FNBP1: variants seen among roughly 807,000 people sequenced by gnomAD.
FNBP1 encodes formin binding protein 1, also known as formin-binding protein 1.
FNBP1 carries 26 observed loss-of-function variants against 90.6 expected under a neutral mutation model. The observed-to-expected ratio is 0.29, with a 90% CI of 0.21 to 0.40. FNBP1 has a LOEUF of 0.40. Ranked by LOEUF, FNBP1 falls within the 10% of genes least tolerant of loss-of-function variation. FNBP1 has a pLI of 1.00. For missense variants in FNBP1, 635 were observed against 768.0 expected (o/e 0.83, Z 2.05); for synonymous variants, 260 against 265.2 (o/e 0.98, Z 0.19).
chr9:130,046,022 C>T (rs1041751247), upstream of FNBP1, among the ~76,000 whole-genome samples: 11 of 152,110 alleles, frequency 7.2e-5, no homozygotes, highest in Admixed American at 1.3e-4. Flanking sequence ...GGTTTCACCT[C>T]TCAGTAAAAT....
intron 1 of FNBP1, among the ~76,000 whole-genome samples, chr9:130,013,125 A>G (rs919240827): frequency 1.3e-5 from 2 of 152,144 alleles, no homozygotes; most frequent in Admixed American, 1.3e-4. Context: ...TAGAATATAG[A>G]TAGCACTCCT....
At position 129,958,478 on chromosome 9, in the gene FNBP1, A is replaced by G. The variant is rs760695715; in HGVS notation, c.408+13T>C. On this transcript the variant is annotated intron_variant, in intron 5 of 16. Transcript: ENST00000446176. ...TATAAAGCCGTTTCTTTTGCTGTGCATTGTTCACTTACAGATTCAAGCTGC... is the reference window on the plus strand; with the variant it reads ...TATAAAGCCGTTTCTTTTGCTGTGCGTTGTTCACTTACAGATTCAAGCTGC... The G allele has an allele frequency of 3.8e-6, 6 of 1,580,524 alleles. No individual in the cohort carries two copies. In the South Asian group the frequency reaches 5.8e-5, roughly 15 times the overall value.
chr9:130,007,066 C>T (rs2055822169), intron 1 of FNBP1, among the ~76,000 whole-genome samples: 1 of 150,184 alleles, frequency 6.7e-6, no homozygotes, highest in South Asian at 2.1e-4. Context: ...AGACCCTCAT[C>T]TCTACAAAAA....
At chr9:129,983,805 C>T (rs2051692709) in intron 2 of FNBP1, among the ~76,000 whole-genome samples, 1 of 151,882 alleles carries the variant, frequency 6.6e-6, no homozygotes, top group Non-Finnish European at 1.5e-5. Flanking sequence ...AGCAAGACTT[C>T]GTCTCAAAAC....
rs56397008 is a variant in FNBP1, at chr9:129,893,637, A to AAAAAAAAAAAAAAAAAAAAAG, written c.1846+2200_1846+2201insCTTTTTTTTTTTTTTTTTTTT. Among the ~76,000 whole-genome samples the AAAAAAAAAAAAAAAAAAAAAG allele has an allele frequency of 2.6e-4, 16 of 62,236 alleles. 1 individual carries two copies. Among genetic ancestry groups the AAAAAAAAAAAAAAAAAAAAAG allele is most frequent in the East Asian group, 6.0e-4 (1 of 1,668 alleles). The allele number at this position is 62,236 out of a possible 152,430, so 40.8% of individuals were successfully genotyped here. On this transcript the variant is annotated intron_variant, in intron 16 of 16. Transcript: ENST00000446176. ...CAAAAAAAAAAAAAAAAAAAAAAAA[A>AAAAAAAAAAAAAAAAAAAAAG]GCCAGGCACGGGCTCATGCCTGTAA...
chr9:130,034,641 G>A (rs1162220433), intron 1 of FNBP1, among the ~76,000 whole-genome samples: 1 of 152,184 alleles, frequency 6.6e-6, no homozygotes. Flanking sequence ...AAAGGATTAG[G>A]AGATTACTAG....
chr9:129,895,617 A>G, intron 16 of FNBP1: 1 of 1,239,080 alleles, frequency 8.1e-7, no homozygotes. Flanking sequence ...TTCCACATAA[A>G]ATTTCATCAG....
chr9:129,892,144 C>T (rs1185634694), intron 16 of FNBP1, among the ~76,000 whole-genome samples: 2 of 152,064 alleles, frequency 1.3e-5, no homozygotes, highest in African/African-American at 4.8e-5. Context: ...ACCCATAAAA[C>T]AAACAGATAA....
intron 10 of FNBP1, chr9:129,916,233 G>T: frequency 1.9e-6 from 1 of 536,136 alleles, no homozygotes; most frequent in Non-Finnish European, 3.3e-6. Context: ...GATAGAAAAG[G>T]AGGGTTTCTG....
chr9:130,037,761 T>C (rs961509203), intron 1 of FNBP1, among the ~76,000 whole-genome samples: 5 of 152,190 alleles, frequency 3.3e-5, no homozygotes, highest in African/African-American at 1.2e-4. Flanking sequence ...TCCAAAAAGA[T>C]ACCTAAAATT....
chr9:129,998,238 T>TCA (rs2054310933), intron 1 of FNBP1, among the ~76,000 whole-genome samples: 1 of 139,792 alleles, frequency 7.2e-6, no homozygotes, highest in South Asian at 2.3e-4. Context: ...GCGCGGTGGC[T>TCA]CACACCTGTA....
Position 129,890,911 on chromosome 9 carries a change from C to T in FNBP1, c.1847-365G>A, listed in dbSNP as rs967763663. Among the ~76,000 whole-genome samples, 2 of 152,186 alleles carry T rather than the reference C, an allele frequency of 1.3e-5. No individual in the cohort carries two copies. The highest frequency in any genetic ancestry group is 2.9e-5 in the Non-Finnish European group (2 of 68,030). ...GTGGCTCATGCCTGTAATCCCAGCA[C>T]TTTGGGAGCCTGAGGCAGGCAGATC... On this transcript the variant is annotated intron_variant, in intron 16 of 16. Transcript: ENST00000446176. This position sits in a 1 kb window ranked among gnomAD's most constrained non-coding sequence, Gnocchi z 5.8.
intron 2 of FNBP1, among the ~76,000 whole-genome samples, chr9:129,980,002 G>T (rs565219215): frequency 1.6e-4 from 25 of 151,916 alleles, no homozygotes; most frequent in African/African-American, 5.8e-4. Flanking sequence ...CCATTCTCTC[G>T]TGGTCATCCT....
intron 11 of FNBP1, among the ~76,000 whole-genome samples, chr9:129,915,736 T>C (rs1270132244): frequency 3.3e-5 from 5 of 152,188 alleles, no homozygotes; most frequent in South Asian, 2.1e-4. Context: ...CACCAAGTCG[T>C]GAGTTAAATG....
intron 6 of FNBP1, among the ~76,000 whole-genome samples, chr9:129,951,436 A>ATTTGTTTGTTTG (rs552137197): frequency 7.7e-6 from 1 of 130,096 alleles, no homozygotes; most frequent in African/African-American, 3.0e-5. Context: ...TTATTTATTT[A>ATTTGTTTGTTTG]TTTATTTGTT....
intron 1 of FNBP1, among the ~76,000 whole-genome samples, chr9:130,004,263 GA>G (rs11327035): frequency 0.034 from 4,671 of 136,874 alleles, 166 homozygotes; most frequent in African/African-American, 0.091. Flanking sequence ...ACTCCATCTC[GA>G]AAAAAAAAAA....
chr9:130,040,393 C>A (rs1005907593), intron 1 of FNBP1, among the ~76,000 whole-genome samples: 1 of 151,936 alleles, frequency 6.6e-6, no homozygotes, highest in Admixed American at 6.6e-5. Flanking sequence ...CTGAGGCAGG[C>A]GGATTACCTG....
chr9:130,014,197 G>C (rs1314599539), intron 1 of FNBP1, among the ~76,000 whole-genome samples: 1 of 151,896 alleles, frequency 6.6e-6, no homozygotes, highest in Non-Finnish European at 1.5e-5. Flanking sequence ...GATCAGGGAG[G>C]GGCCAGCAGG....
Position 129,993,868 on chromosome 9 carries a change from G to A in FNBP1, c.140+975C>T, listed in dbSNP as rs376803729. On this transcript the variant is annotated intron_variant, in intron 2 of 16. Coordinates refer to ENST00000446176, the MANE Select transcript of FNBP1 (RefSeq NM_015033.3). The stretch of plus-strand genomic sequence containing the variant: ...TCGAACTCCTGACCTCAGGCAATCC[G>A]CCCACCTTTGCCTCCCAAAGTGCTG... Among the ~76,000 whole-genome samples the A allele has an allele frequency of 8.7e-5, 13 of 150,118 alleles. No individual in the cohort carries two copies. The South Asian group carries it at 2.3e-3, about 27-fold the overall frequency.
Sources: allele counts gnomAD v4.1 joint callset (sites outside exome capture counted in the v4.1 genomes callset), GRCh38; gene constraint gnomAD v4.1.1; non-coding constraint Gnocchi (gnomAD v3.1); transcripts MANE v1.5; gene names NCBI Gene and HGNC (gene_info 2026-07-23, HGNC 2026-07-21).